The following MLF1 variants were observed in gnomAD, a reference collection of about 807,000 sequenced individuals.
MLF1 encodes the protein myeloid leukemia factor 1, also known as myelodysplasia-myeloid leukemia factor 1.
In MLF1, 37 loss-of-function variants were observed where a neutral mutation model predicts 38.3. That is an observed-to-expected ratio of 0.96 (90% CI 0.74 to 1.27). The LOEUF is 1.27. Ranked by LOEUF, MLF1 falls within the 50% of genes most tolerant of loss-of-function variation. The pLI is 0.00. For synonymous variants in MLF1, 95 were observed against 106.5 expected (o/e 0.89, Z 0.66); for missense variants, 331 against 349.2 (o/e 0.95, Z 0.42).
rs756311178 is a variant in MLF1, at chr3:158,596,819, G to A, written c.241-43G>A. 2.0e-5 allele frequency: 26 copies of A among 1,316,998 alleles called. No individual in the cohort carries two copies. In the South Asian group the frequency reaches 3.4e-4, roughly 17 times the overall value. The allele number at this position is 1,316,998 out of a possible 1,614,324, so 81.6% of individuals were successfully genotyped here. A position where few individuals can be genotyped will look rare whatever the true frequency, so the allele number is the denominator to read the frequency against. On this transcript the variant is annotated intron_variant, in intron 3 of 7. Transcript: ENST00000466246. ...TGGAAGATGTATTTGCATCTTTTGT[G>A]TTGTTACCTACAGTTAATAACATAC...
Position 158,578,573 on chromosome 3 carries a change from T to A in MLF1, c.47+7226T>A, listed in dbSNP as rs1715840786. The stretch of plus-strand genomic sequence containing the variant: ...TCATTCCCAAGTGACCTGGAATCAA[T>A]CTAAGAGTTAAGACATAAACACTTT... On this transcript the variant is annotated intron_variant, in intron 1 of 7. Coordinates refer to ENST00000466246, the MANE Select transcript of MLF1 (RefSeq NM_001369783.1). Among the ~76,000 whole-genome samples the A allele has an allele frequency of 4.6e-5, 7 of 152,066 alleles. 1 individual carries two copies. The South Asian group carries it at 1.5e-3, about 32-fold the overall frequency.
chr3:158,580,327 A>G (rs1473244360), intron 1 of MLF1, among the ~76,000 whole-genome samples: 1 of 152,108 alleles, frequency 6.6e-6, no homozygotes, highest in African/African-American at 2.4e-5. Context: ...GGTGGAAAAA[A>G]AAAGTAGAGT....
chr3:158,605,219 T>C lies in MLF1; in HGVS notation c.*17T>C. 6.3e-7 allele frequency: 1 copy of C among 1,578,840 alleles called. No homozygotes were observed. Among genetic ancestry groups the C allele is most frequent in the Non-Finnish European group, 8.7e-7 (1 of 1,152,120 alleles). On this transcript the variant is annotated 3_prime_UTR_variant, in exon 8 of 8. Coordinates refer to ENST00000466246, the MANE Select transcript of MLF1 (RefSeq NM_001369783.1). ...AAAAAATAAATAGCCATGCATTTGA[T>C]TTGTTTAGTTTTGATTGTTTTAACA...
At chr3:158,590,384 T>A (rs1717944608) in intron 1 of MLF1, among the ~76,000 whole-genome samples, 1 of 152,168 alleles carries the variant, frequency 6.6e-6, no homozygotes, top group Admixed American at 6.5e-5. Context: ...TTCATAAAAT[T>A]TACATACTCT....
At position 158,605,212 on chromosome 3, in the gene MLF1, C is replaced by T; in HGVS notation, c.*10C>T. The T allele has an allele frequency of 6.3e-7, 1 of 1,597,346 alleles. No homozygotes were observed. Among genetic ancestry groups the T allele is most frequent in the South Asian group, 1.1e-5 (1 of 89,598 alleles). ...AAGCAACAAAAAATAAATAGCCATGCATTTGATTTGTTTAGTTTTGATTGT... is the reference window on the plus strand; with the variant it reads ...AAGCAACAAAAAATAAATAGCCATGTATTTGATTTGTTTAGTTTTGATTGT... On this transcript the variant is annotated 3_prime_UTR_variant, in exon 8 of 8. Transcript: ENST00000466246.
At chr3:158,571,389 AAGGTATCG>A in intron 1 of MLF1, 42 bp downstream of exon 1, 1 of 1,612,356 alleles carries the variant, frequency 6.2e-7, no homozygotes, top group Non-Finnish European at 8.5e-7. Flanking sequence ...CGCGGGAATT[AAGGTATCG>A]AGGGGAGCTA....
intron 1 of MLF1, among the ~76,000 whole-genome samples, chr3:158,590,219 AC>A (rs921094417): frequency 3.9e-5 from 6 of 152,258 alleles, no homozygotes; most frequent in African/African-American, 1.4e-4. Context: ...ATTTGAAAAG[AC>A]GGTTCTATCA....
chr3:158,584,461 C>T (rs1716895892), intron 1 of MLF1, among the ~76,000 whole-genome samples: 1 of 152,042 alleles, frequency 6.6e-6, no homozygotes, highest in Non-Finnish European at 1.5e-5. Flanking sequence ...CCACAATGTA[C>T]AGATGTAACC....
intron 1 of MLF1, among the ~76,000 whole-genome samples, chr3:158,580,214 T>A (rs1716115865): frequency 6.6e-6 from 1 of 151,592 alleles, no homozygotes; most frequent in Non-Finnish European, 1.5e-5. Flanking sequence ...GATGGGTTGA[T>A]ACGTGTAGCA....
At chr3:158,579,324 C>T (rs1715974888) in intron 1 of MLF1, among the ~76,000 whole-genome samples, 1 of 152,096 alleles carries the variant, frequency 6.6e-6, no homozygotes, top group Non-Finnish European at 1.5e-5. Flanking sequence ...CAAACTTGGA[C>T]AAGAGAAACA....
chr3:158,576,680 T>C (rs1197811001), intron 1 of MLF1, among the ~76,000 whole-genome samples: 1 of 150,802 alleles, frequency 6.6e-6, no homozygotes, highest in African/African-American at 2.4e-5. Flanking sequence ...AATTTTTTTT[T>C]TTTTTTTTTT....
At chr3:158,574,684 CAAAAAAA>C (rs59567882) in intron 1 of MLF1, among the ~76,000 whole-genome samples, 2 of 108,826 alleles carry the variant, frequency 1.8e-5, no homozygotes. Context: ...AACACTGTCT[CAAAAAAA>C]AAAAAAAAAA....
At chr3:158,601,806 C>CTTCTT (rs1384587898) in intron 6 of MLF1, among the ~76,000 whole-genome samples, 1 of 96,048 alleles carries the variant, frequency 1.0e-5, no homozygotes, top group Non-Finnish European at 1.9e-5. Context: ...TAAAATTATT[C>CTTCTT]TTTTTTTTTT....
At position 158,578,380 on chromosome 3, in the gene MLF1, AGTGT is replaced by A. The variant is rs113149645; in HGVS notation, c.47+7052_47+7055del. ...AAAGAAGTGTAACTTAGGCAAAATA[AGTGT>A]GTGTGTGTGTGTGTGTGTACATATG... On this transcript the variant is annotated intron_variant, in intron 1 of 7. Coordinates refer to ENST00000466246, the MANE Select transcript of MLF1 (RefSeq NM_001369783.1). Among the ~76,000 whole-genome samples, 587 of 149,480 alleles carry A rather than the reference AGTGT, an allele frequency of 3.9e-3. 1 individual carries two copies. The highest frequency in any genetic ancestry group is 7.8e-3 in the Admixed American group (117 of 14,964).
At chr3:158,581,318 C>T (rs1716313266) in intron 1 of MLF1, among the ~76,000 whole-genome samples, 1 of 152,208 alleles carries the variant, frequency 6.6e-6, no homozygotes, top group Non-Finnish European at 1.5e-5. Flanking sequence ...TCTTCTCATG[C>T]TTCCAGCAGA....
Position 158,600,085 on chromosome 3 carries a change from C to A in MLF1, c.525C>A (p.Ile175=). The change falls in exon 6 of 8, where the codon ATC becomes ATA. Residue 175 remains isoleucine (I), a synonymous_variant. Transcript: ENST00000466246. ...GLEKMAIGHH[I]HDRAHVIKKS... is the part of the protein sequence containing the mutation. ...AAAAAATGGCTATTGGTCATCATAT[C>A]CATGACCGAGCTCATGTCATTAAAA... is the stretch of plus-strand genomic sequence containing the variant. 6.8e-7 allele frequency: 1 copy of A among 1,479,534 alleles called. No individual in the cohort carries two copies. 91.7% of individuals were successfully genotyped at this position (1,479,534 alleles called of 1,614,324 possible).
chr3:158,592,480 A>T lies in MLF1; in HGVS notation c.94A>T (p.Ser32Cys). ...AGAAAATATGCGACAGATGATAAGA[A>T]GTTTTTCTGAACCCTTTGGAAGAGA... ...HRENMRQMIRSFSEPFGRDLL... is the reference protein window; with the variant it reads ...HRENMRQMIRCFSEPFGRDLL... Residue 32 changes from serine (S) to cysteine (C), a missense_variant, in exon 2 of 8, where the codon AGT (serine) becomes TGT (cysteine). By Grantham distance (112) the Ser-to-Cys change is moderately radical. Coordinates refer to ENST00000466246, the MANE Select transcript of MLF1 (RefSeq NM_001369783.1). The T allele has an allele frequency of 1.2e-6, 2 of 1,612,052 alleles. No individual in the cohort carries two copies. The highest frequency in any genetic ancestry group is 2.2e-5 in the South Asian group (2 of 90,818).
chr3:158,598,294 A>T (rs1719197908), intron 5 of MLF1, 86 bp downstream of exon 5: 23 of 1,157,216 alleles, frequency 2.0e-5, no homozygotes, highest in Admixed American at 5.2e-5. Flanking sequence ...TTAAAATTTA[A>T]TCTGGTACAA....
intron 2 of MLF1, among the ~76,000 whole-genome samples, chr3:158,593,108 C>G (rs574591198): frequency 6.6e-6 from 1 of 151,610 alleles, no homozygotes; most frequent in South Asian, 2.1e-4. Flanking sequence ...TAGAGCAAAG[C>G]TAGAGGTTAC....
Sources: gnomAD v4.1 joint callset for allele counts (sites outside exome capture counted in the v4.1 genomes callset) on GRCh38, gnomAD v4.1.1 for gene constraint, MANE v1.5 for transcripts, NCBI Gene and HGNC (gene_info 2026-07-23, HGNC 2026-07-21) for gene names.